Variants in PDE3B observed in about 807,000 individuals in gnomAD.
PDE3B encodes phosphodiesterase 3B.
In PDE3B, 66 loss-of-function variants were observed where a neutral mutation model predicts 116.8. The observed-to-expected ratio is 0.56, with a 90% CI of 0.46 to 0.69. The LOEUF is 0.69. Among genes scored for constraint, PDE3B ranks in the 30% least tolerant of loss-of-function variants. The pLI, the probability that PDE3B is intolerant of heterozygous loss-of-function variation, is 0.00. For synonymous variants in PDE3B, 595 were observed against 533.6 expected (o/e 1.12, Z -1.59); for missense variants, 1,384 against 1,368.1 (o/e 1.01, Z -0.18).
chr11:14,854,187 C>T (rs1447143183), intron 12 of PDE3B, among the ~76,000 whole-genome samples: 1 of 152,150 alleles, frequency 6.6e-6, no homozygotes, highest in East Asian at 1.9e-4. Flanking sequence ...ACTCCTGTTA[C>T]CATTTGCTCC....
At chr11:14,827,931 G>A (rs1421803427) in intron 7 of PDE3B, among the ~76,000 whole-genome samples, 2 of 152,190 alleles carry the variant, frequency 1.3e-5, no homozygotes, top group Non-Finnish European at 2.9e-5. Context: ...CAGAACTGCA[G>A]TAACAAAATA....
chr11:14,760,067 A>G (rs189850653), intron 1 of PDE3B, among the ~76,000 whole-genome samples: 209 of 152,092 alleles, frequency 1.4e-3, no homozygotes, highest in African/African-American at 4.6e-3. Context: ...TATTGTTGTT[A>G]AAGTTATAGA....
Position 14,786,572 on chromosome 11 carries a change from G to A in PDE3B, c.1165G>A (p.Ala389Thr). 6.2e-7 allele frequency: 1 copy of A among 1,613,230 alleles called. No individual in the cohort carries two copies. Among genetic ancestry groups the A allele is most frequent in the Non-Finnish European group, 8.5e-7 (1 of 1,179,388 alleles). ...ACGGAGTATTAGTAGCTTAATGGGT[G>A]CTTTCTCAGGTTCCTGTAGGCCAAA... ...SLRSISSLMGAFSGSCRPKIN... is the reference protein window; with the variant it reads ...SLRSISSLMGTFSGSCRPKIN... The change falls in exon 3 of 16, where the codon GCT (alanine) becomes ACT (threonine). Residue 389 changes from alanine (A) to threonine (T), a missense_variant. Around this residue, in one of 2 missense-constraint regions of PDE3B, gnomAD observed 956 missense variants for 806.8 expected, o/e 1.18. Coordinates refer to ENST00000282096, the MANE Select transcript of PDE3B (RefSeq NM_000922.4).
intron 1 of PDE3B, among the ~76,000 whole-genome samples, chr11:14,678,572 A>G (rs1854600805): frequency 6.6e-6 from 1 of 152,100 alleles, no homozygotes; most frequent in South Asian, 2.1e-4. Flanking sequence ...TTAAATTTGC[A>G]TTTCGTTAAT....
At chr11:14,660,948 T>G (rs1853884297) in intron 1 of PDE3B, among the ~76,000 whole-genome samples, 1 of 151,998 alleles carries the variant, frequency 6.6e-6, no homozygotes, top group Non-Finnish European at 1.5e-5. Flanking sequence ...ATCAGAGAAA[T>G]GCAAATCAAA....
In PDE3B at chr11:14,671,027, G is replaced by A. The variant is rs559044690; in HGVS notation, c.978+25974G>A. ...CAGCATATTTAACAATATTTATTGA[G>A]CACATACAAATGTGCCAGGTATTGC... is the stretch of plus-strand genomic sequence containing the variant. On this transcript the variant is annotated intron_variant, in intron 1 of 15. Transcript: ENST00000282096. Among the ~76,000 whole-genome samples the A allele has an allele frequency of 2.0e-5, 3 of 151,990 alleles. No individual in the cohort carries two copies. The South Asian group carries it at 6.2e-4, about 32-fold the overall frequency.
chr11:14,699,396 C>T (rs1314027048), intron 1 of PDE3B: 2 of 151,700 alleles, frequency 1.3e-5, no homozygotes, highest in African/African-American at 4.8e-5. Context: ...TCCCACAAGT[C>T]CAAACATTAT....
At position 14,824,497 on chromosome 11, in the gene PDE3B, ATTCC is replaced by A. The variant is rs1429693044; in HGVS notation, c.1807+5289_1807+5292del. Among the ~76,000 whole-genome samples the A allele has an allele frequency of 2.0e-5, 3 of 152,340 alleles. No individual in the cohort carries two copies. The South Asian group carries it at 6.2e-4, about 32-fold the overall frequency. On this transcript the variant is annotated intron_variant, in intron 7 of 15. Coordinates refer to ENST00000282096, the MANE Select transcript of PDE3B (RefSeq NM_000922.4). ...CACACTACAAGAATTTTGTAATGCA[ATTCC>A]AAGTACAGCAAAAGAGACCAAGCTG...
At chr11:14,722,352 C>T (rs1021584875) in intron 1 of PDE3B, among the ~76,000 whole-genome samples, 6 of 150,842 alleles carry the variant, frequency 4.0e-5, no homozygotes, top group African/African-American at 7.3e-5. Flanking sequence ...AAAGTCTAGT[C>T]GAGGGTAGCA....
chr11:14,679,815 G>C (rs1854644872), intron 1 of PDE3B, among the ~76,000 whole-genome samples: 2 of 151,876 alleles, frequency 1.3e-5, no homozygotes, highest in Admixed American at 6.6e-5. Flanking sequence ...CTAGCCTCCA[G>C]TTCCTATCAC....
intron 2 of PDE3B, 21 bp downstream of exon 2, chr11:14,772,008 T>C (rs745734144): frequency 1.0e-6 from 1 of 986,568 alleles, no homozygotes; most frequent in Admixed American, 2.3e-5. Context: ...TTAATATCTG[T>C]GATGAATATC....
At chr11:14,853,955 T>G (rs1232861872) in intron 12 of PDE3B, among the ~76,000 whole-genome samples, 3 of 152,180 alleles carry the variant, frequency 2.0e-5, no homozygotes, top group African/African-American at 7.2e-5. Flanking sequence ...TTCCAAAATA[T>G]GGATTAAGAT....
At chr11:14,763,527 G>A (rs765583531) in intron 1 of PDE3B, among the ~76,000 whole-genome samples, 1 of 152,058 alleles carries the variant, frequency 6.6e-6, no homozygotes, top group African/African-American at 2.4e-5. Context: ...TGAGATGTGA[G>A]AAACTGCAGC....
chr11:14,727,548 G>A (rs1856344751), intron 1 of PDE3B, among the ~76,000 whole-genome samples: 1 of 152,040 alleles, frequency 6.6e-6, no homozygotes, highest in Non-Finnish European at 1.5e-5. Flanking sequence ...TATGCCTTTG[G>A]TGAATTGTTT....
intron 1 of PDE3B, among the ~76,000 whole-genome samples, chr11:14,736,039 T>G (rs1856589120): frequency 6.6e-6 from 1 of 151,288 alleles, no homozygotes; most frequent in African/African-American, 2.4e-5. Flanking sequence ...TGAAGGAAGA[T>G]AGTAGAAGAC....
chr11:14,723,248 A>G (rs1856176543), intron 1 of PDE3B, among the ~76,000 whole-genome samples: 1 of 152,198 alleles, frequency 6.6e-6, no homozygotes, highest in South Asian at 2.1e-4. Context: ...TGATCAGGTA[A>G]CTTCTGAGGT....
At chr11:14,876,668 C>G (rs1404380053), downstream of PDE3B, among the ~76,000 whole-genome samples, 1 of 152,162 alleles carries the variant, frequency 6.6e-6, no homozygotes, top group Admixed American at 6.5e-5. Flanking sequence ...GAAAAATTCC[C>G]TCGCTCTCCC....
At position 14,644,343 on chromosome 11, in the gene PDE3B, C is replaced by T; in HGVS notation, c.268C>T (p.Leu90Phe). ...GCTGGGCGCCCTGGCTGCCTTTGTC[C>T]TCGCCCTGCTGCTGGGCGCGGAACC... ...LSLGALAAFV[L>F]ALLLGAEPES... The change falls in exon 1 of 16, where the codon CTC becomes TTC. Residue 90 changes from leucine to phenylalanine, a missense_variant. Physicochemically the swap from Leu to Phe is conservative, Grantham distance 22. Around this residue, in one of 2 missense-constraint regions of PDE3B, gnomAD observed 956 missense variants for 806.8 expected, o/e 1.18. Coordinates refer to ENST00000282096, the MANE Select transcript of PDE3B (RefSeq NM_000922.4). 1.3e-6 allele frequency: 2 copies of T among 1,586,860 alleles called. No homozygotes were observed. Among genetic ancestry groups the T allele is most frequent in the Non-Finnish European group, 1.7e-6 (2 of 1,170,020 alleles).
intron 5 of PDE3B, among the ~76,000 whole-genome samples, chr11:14,817,673 C>T (rs1272531133): frequency 6.6e-6 from 1 of 151,970 alleles, no homozygotes; most frequent in Non-Finnish European, 1.5e-5. Context: ...GAGGTTGAGT[C>T]TGCAGTGAGC....
Sources: gnomAD v4.1 joint callset for allele counts (sites outside exome capture counted in the v4.1 genomes callset) on GRCh38, gnomAD v4.1.1 for gene constraint, gnomAD v4.1.1 regional missense constraint, MANE v1.5 for transcripts, NCBI Gene and HGNC (gene_info 2026-07-23, HGNC 2026-07-21) for gene names.